EPHA5: variants seen among roughly 807,000 people sequenced by gnomAD.
EPHA5 encodes the protein EPH receptor A5, also known as ephrin type-A receptor 5.
EPHA5 carries 60 observed loss-of-function variants against 105.0 expected under a neutral mutation model. The ratio of observed to expected loss-of-function variants is 0.57; its 90% CI spans 0.46 to 0.71. The LOEUF is 0.71. Among genes scored for constraint, EPHA5 ranks in the 30% least tolerant of loss-of-function variants. EPHA5 has a pLI of 0.00. For missense variants in EPHA5, 1,218 were observed against 1,274.7 expected, an observed-to-expected ratio of 0.96 and a Z score of 0.68; for synonymous variants, 513 against 449.1, an observed-to-expected ratio of 1.14 and a Z score of -1.80.
At chr4:65,402,703 C>G (rs10030643) in intron 8 of EPHA5, among the ~76,000 whole-genome samples, 3,838 of 152,100 alleles carry the variant, frequency 0.025, 168 homozygotes, top group African/African-American at 0.087. Context: ...AAGGAAATCA[C>G]TAACTCTTAT....
Position 65,324,180 on chromosome 4 carries a change from C to CTTCTTCT in EPHA5, c.2984_2985insAGAAGAA (p.Lys996GlufsTer34). The CTTCTTCT allele has an allele frequency of 1.2e-6, 2 of 1,609,588 alleles. No individual in the cohort carries two copies. The highest frequency in any genetic ancestry group is 1.7e-6 in the Non-Finnish European group (2 of 1,177,074). ...CTTGAAGGCTGTTCATGATCTTCTT[C>CTTCTTCT]TGGTGACCGACAAGAGTCACTCCAA... On this transcript the variant is annotated frameshift_variant, in exon 17 of 17. Transcript: ENST00000613740. LOFTEE classifies it high-confidence loss of function.
chr4:65,628,144 C>G (rs892457686), intron 2 of EPHA5, among the ~76,000 whole-genome samples: 14 of 151,986 alleles, frequency 9.2e-5, no homozygotes, highest in Non-Finnish European at 1.5e-4. Flanking sequence ...ACTGACGATA[C>G]TTGGCTAATA....
chr4:65,367,236 TAAA>T, intron 9 of EPHA5, 118 bp downstream of exon 9: 9 of 664,948 alleles, frequency 1.4e-5, no homozygotes, highest in African/African-American at 7.6e-5. Context: ...AGAACACTTT[TAAA>T]AAAAAAAAAA....
chr4:65,620,986 A>G (rs1010839216), intron 2 of EPHA5, among the ~76,000 whole-genome samples: 10 of 152,314 alleles, frequency 6.6e-5, no homozygotes, highest in Middle Eastern at 6.8e-3. Context: ...ACTTCCAGGT[A>G]TATAATCAGA....
At chr4:65,574,369 A>AAT in intron 3 of EPHA5, 3 of 902,800 alleles carry the variant, frequency 3.3e-6, no homozygotes, top group Non-Finnish European at 4.5e-6. Context: ...TACAAAAAAA[A>AAT]AATAATAATA....
chr4:65,545,209 C>A (rs1347950245), intron 3 of EPHA5, among the ~76,000 whole-genome samples: 1 of 151,794 alleles, frequency 6.6e-6, no homozygotes, highest in Admixed American at 6.6e-5. Flanking sequence ...ATCTATGATT[C>A]TTTAATAAGC....
chr4:65,575,844 A>G (rs948413290), intron 3 of EPHA5, among the ~76,000 whole-genome samples: 9 of 150,922 alleles, frequency 6.0e-5, no homozygotes, highest in African/African-American at 2.2e-4. Flanking sequence ...AGGCGTAGTG[A>G]TGGGCGCCTG....
chr4:65,653,316 G>A (rs978012523), intron 1 of EPHA5, among the ~76,000 whole-genome samples: 1 of 152,000 alleles, frequency 6.6e-6, no homozygotes, highest in Admixed American at 6.6e-5. Context: ...TGTCAGCCTT[G>A]CAGTTTAGTC....
chr4:65,424,786 T>C (rs879763538), intron 5 of EPHA5, among the ~76,000 whole-genome samples: 3 of 152,092 alleles, frequency 2.0e-5, no homozygotes, highest in Admixed American at 6.6e-5. Context: ...TAAAAAGTTA[T>C]GAGTAAATTT....
chr4:65,660,071 C>T (rs570707613), intron 1 of EPHA5, among the ~76,000 whole-genome samples: 18 of 152,032 alleles, frequency 1.2e-4, no homozygotes, highest in East Asian at 3.9e-4. Flanking sequence ...TATACATATA[C>T]GTGTGTGTGT....
intron 8 of EPHA5, among the ~76,000 whole-genome samples, chr4:65,400,031 A>C (rs1199156605): frequency 6.6e-6 from 1 of 152,216 alleles, no homozygotes; most frequent in Non-Finnish European, 1.5e-5. Context: ...TAAAAAAGTC[A>C]ATTTTATATC....
intron 5 of EPHA5, 113 bp from the exon 6 acceptor site, chr4:65,420,678 C>T: frequency 9.7e-7 from 1 of 1,025,986 alleles, no homozygotes; most frequent in Non-Finnish European, 1.3e-6. Context: ...AAAAAAAATC[C>T]CAATTAAATT....
intron 2 of EPHA5, among the ~76,000 whole-genome samples, chr4:65,642,193 T>A (rs1333465508): frequency 1.3e-5 from 2 of 152,082 alleles, no homozygotes; most frequent in Non-Finnish European, 1.5e-5. Context: ...TTAAAATATT[T>A]ATTCAATAGA....
rs1030543275 is a variant in EPHA5 at position 65,539,410 on chromosome 4, A to G, written c.911-43867T>C. Among the ~76,000 whole-genome samples the G allele has an allele frequency of 3.3e-5, 5 of 151,864 alleles. No individual in the cohort carries two copies. The East Asian group carries it at 9.7e-4, about 29-fold the overall frequency. Reference sequence around the variant, plus strand: ...GCTTTTATGTGTCAGCATAAACAAGAAAGAATGTCTAGGTGTGACAAAATG... The same window carrying G: ...GCTTTTATGTGTCAGCATAAACAAGGAAGAATGTCTAGGTGTGACAAAATG... On this transcript the variant is annotated intron_variant, in intron 3 of 16. Coordinates refer to ENST00000613740, the MANE Select transcript of EPHA5 (RefSeq NM_001281766.3).
chr4:65,451,925 T>C (rs978646652), intron 5 of EPHA5, among the ~76,000 whole-genome samples: 2 of 152,178 alleles, frequency 1.3e-5, no homozygotes, highest in Non-Finnish European at 2.9e-5. Flanking sequence ...TTCCTACTAG[T>C]TTAATTTTTA....
At chr4:65,638,234 T>C (rs1747330295) in intron 2 of EPHA5, among the ~76,000 whole-genome samples, 2 of 152,180 alleles carry the variant, frequency 1.3e-5, no homozygotes, top group African/African-American at 4.8e-5. Context: ...TTAATATATA[T>C]TTATTAACTA....
At chr4:65,362,903 A>G (rs1717470274) in intron 11 of EPHA5, among the ~76,000 whole-genome samples, 1 of 151,706 alleles carries the variant, frequency 6.6e-6, no homozygotes, top group Non-Finnish European at 1.5e-5. Context: ...AAAAGAGACA[A>G]AATTAAGTGA....
At chr4:65,565,214 A>G (rs781416409) in intron 3 of EPHA5, among the ~76,000 whole-genome samples, 11 of 151,712 alleles carry the variant, frequency 7.3e-5, no homozygotes, top group Non-Finnish European at 1.6e-4. Flanking sequence ...TTCAAGGCCA[A>G]TGGTGACCAA....
At chr4:65,649,074 G>A (rs1490866165) in intron 1 of EPHA5, among the ~76,000 whole-genome samples, 1 of 152,186 alleles carries the variant, frequency 6.6e-6, no homozygotes, top group East Asian at 1.9e-4. Context: ...GACAATGAAT[G>A]GAAGAGTATT....
Sources: gnomAD v4.1 joint callset for allele counts (sites outside exome capture counted in the v4.1 genomes callset) on GRCh38, gnomAD v4.1.1 for gene constraint, MANE v1.5 for transcripts, NCBI Gene and HGNC (gene_info 2026-07-23, HGNC 2026-07-21) for gene names.